Variants in NEO1 observed in about 807,000 individuals in gnomAD.
The protein encoded by NEO1 is neogenin.
NEO1 carries 63 observed loss-of-function variants against 159.7 expected under a neutral mutation model. That is an observed-to-expected ratio of 0.39 (90% CI 0.32 to 0.49). NEO1 has a LOEUF of 0.49. NEO1 is among the 20% of genes least tolerant of loss of function. The pLI is 0.85. For missense variants in NEO1, 1,615 were observed against 1,831.0 expected, an observed-to-expected ratio of 0.88 and a Z score of 2.15; for synonymous variants, 633 against 662.0, an observed-to-expected ratio of 0.96 and a Z score of 0.67.
intron 9 of NEO1, among the ~76,000 whole-genome samples, chr15:73,245,180 A>G (rs1486047435): frequency 6.6e-6 from 1 of 152,084 alleles, no homozygotes; most frequent in Non-Finnish European, 1.5e-5. Context: ...CTGATTTTGT[A>G]GCAAAGACAG....
upstream of NEO1, chr15:73,051,758 C>A (rs1199483452): frequency 2.0e-5 from 3 of 151,928 alleles, no homozygotes; most frequent in Non-Finnish European, 4.4e-5. Flanking sequence ...CGCGCCAGGG[C>A]CCAGCAAGAG....
At chr15:73,149,143 C>G (rs1378331822) in intron 5 of NEO1, among the ~76,000 whole-genome samples, 2 of 151,920 alleles carry the variant, frequency 1.3e-5, no homozygotes, top group Non-Finnish European at 2.9e-5. Flanking sequence ...GGTGCAACCC[C>G]GTCTCTACCA....
At chr15:73,238,746 A>G (rs1203591885) in intron 8 of NEO1, among the ~76,000 whole-genome samples, 1 of 152,140 alleles carries the variant, frequency 6.6e-6, no homozygotes, top group East Asian at 1.9e-4. Context: ...CAGATGATTC[A>G]TAGTACTGGA....
At chr15:73,126,333 G>A (rs2030235429) in intron 3 of NEO1, 84 bp from the exon 4 acceptor site, 2 of 1,287,842 alleles carry the variant, frequency 1.6e-6, no homozygotes, top group African/African-American at 1.5e-5. Flanking sequence ...GCCTCCCAAA[G>A]TATCGGGATT....
intron 14 of NEO1, among the ~76,000 whole-genome samples, chr15:73,259,527 AT>A (rs759655317): frequency 3.3e-5 from 5 of 150,240 alleles, no homozygotes; most frequent in African/African-American, 4.9e-5. Context: ...ACACTTAGCT[AT>A]TTTTTTTTAG....
intron 5 of NEO1, among the ~76,000 whole-genome samples, chr15:73,173,531 G>T (rs753544252): frequency 6.6e-5 from 10 of 152,066 alleles, no homozygotes; most frequent in South Asian, 6.2e-4. Context: ...AGTTTGTTTC[G>T]TAGAAATATT....
At chr15:73,127,243 A>AAAAAT in intron 4 of NEO1, among the ~76,000 whole-genome samples, 1 of 151,952 alleles carries the variant, frequency 6.6e-6, no homozygotes, top group African/African-American at 2.4e-5. Flanking sequence ...AAAAAAAAAA[A>AAAAAT]AGAAACTGTA....
chr15:73,266,226 T>A (rs1454869176), intron 15 of NEO1, 90 bp from the exon 16 acceptor site: 2 of 935,636 alleles, frequency 2.1e-6, no homozygotes, highest in Non-Finnish European at 3.2e-6. Context: ...TTTCTTGAAT[T>A]CTTCTGTGGT....
intron 1 of NEO1, among the ~76,000 whole-genome samples, chr15:73,062,157 C>T (rs969474057): frequency 6.6e-6 from 1 of 152,174 alleles, no homozygotes; most frequent in Non-Finnish European, 1.5e-5. Flanking sequence ...TCTGTTTCCA[C>T]ACTTCCTTGC....
At chr15:73,133,496 AAAT>A (rs745375946) in intron 4 of NEO1, among the ~76,000 whole-genome samples, 5 of 152,174 alleles carry the variant, frequency 3.3e-5, no homozygotes, top group Non-Finnish European at 7.3e-5. Context: ...AATCACCACT[AAAT>A]AACTTTTTCA....
intron 4 of NEO1, among the ~76,000 whole-genome samples, chr15:73,132,357 T>C (rs1170841807): frequency 6.6e-6 from 1 of 152,200 alleles, no homozygotes; most frequent in African/African-American, 2.4e-5. Context: ...TCCCATCCTT[T>C]TTTTGTTTCT....
intron 18 of NEO1, among the ~76,000 whole-genome samples, 200 bp downstream of exon 18, chr15:73,270,654 T>C (rs548613070): frequency 6.6e-6 from 1 of 152,208 alleles, no homozygotes; most frequent in Non-Finnish European, 1.5e-5. Context: ...AGGGAAAACA[T>C]GATAAATTAC....
chr15:73,089,676 G>A (rs914142874), intron 1 of NEO1, among the ~76,000 whole-genome samples: 6 of 151,508 alleles, frequency 4.0e-5, no homozygotes, highest in African/African-American at 1.5e-4. Context: ...AAGGGAAAAT[G>A]TCTTTCTCAT....
chr15:73,254,091 G>A (rs773615185), intron 12 of NEO1, among the ~76,000 whole-genome samples: 2 of 152,162 alleles, frequency 1.3e-5, no homozygotes, highest in Non-Finnish European at 2.9e-5. Context: ...CTCGGAGGCT[G>A]AGGTGAGAGG....
At chr15:73,094,387 T>C (rs1335292997) in intron 1 of NEO1, among the ~76,000 whole-genome samples, 1 of 152,266 alleles carries the variant, frequency 6.6e-6, no homozygotes, top group Non-Finnish European at 1.5e-5. Context: ...TTGTAGCTTG[T>C]ATTAGTATTT....
Position 73,136,540 on chromosome 15 carries a change from A to G in NEO1, c.1015+513A>G, listed in dbSNP as rs557974192. On this transcript the variant is annotated intron_variant, in intron 5 of 28. Transcript: ENST00000261908. Reference sequence around the variant, plus strand: ...TGTTGGTGTCCTTTTCTTTTGGGTGAACAGATCACCCAGGAAGGAGTACAC... The same window carrying G: ...TGTTGGTGTCCTTTTCTTTTGGGTGGACAGATCACCCAGGAAGGAGTACAC... Among the ~76,000 whole-genome samples the G allele has an allele frequency of 2.6e-5, 4 of 152,196 alleles. No homozygotes were observed. In the East Asian group the frequency reaches 7.8e-4, roughly 30 times the overall value.
intron 7 of NEO1, among the ~76,000 whole-genome samples, chr15:73,230,446 C>T (rs1347499176): frequency 1.3e-5 from 2 of 152,016 alleles, no homozygotes; most frequent in East Asian, 3.9e-4. Flanking sequence ...TCTTAGTTTC[C>T]TAGTCTTCTA....
At chr15:73,290,343 C>CA (rs1393612638) in intron 25 of NEO1, among the ~76,000 whole-genome samples, 1 of 141,390 alleles carries the variant, frequency 7.1e-6, no homozygotes, top group Non-Finnish European at 1.5e-5. Flanking sequence ...CGGGTTCAAG[C>CA]AATTCTCCTG....
intron 7 of NEO1, among the ~76,000 whole-genome samples, chr15:73,195,292 T>G (rs1254069643): frequency 6.6e-6 from 1 of 152,210 alleles, no homozygotes; most frequent in East Asian, 1.9e-4. Context: ...TAGTTATATT[T>G]AAAAGATGCT....
Sources: gnomAD v4.1 joint callset for allele counts (sites outside exome capture counted in the v4.1 genomes callset) on GRCh38, gnomAD v4.1.1 for gene constraint, MANE v1.5 for transcripts, NCBI Gene and HGNC (gene_info 2026-07-23, HGNC 2026-07-21) for gene names.